The following FRMD4B variants were observed in gnomAD, a reference collection of about 807,000 sequenced individuals.
The protein encoded by FRMD4B is FERM domain-containing protein 4B.
FRMD4B carries 74 observed loss-of-function variants against 141.5 expected under a neutral mutation model. The observed-to-expected ratio is 0.52, with a 90% CI of 0.43 to 0.63. FRMD4B has a LOEUF of 0.63. FRMD4B is among the 30% of genes least tolerant of loss of function. The probability of loss-of-function intolerance (pLI) is 0.00; values close to 1 mark genes in which losing one functional copy is unlikely to be tolerated. For synonymous variants in FRMD4B, 506 were observed against 467.9 expected (o/e 1.08, Z -1.05); for missense variants, 1,366 against 1,253.4 (o/e 1.09, Z -1.36).
intron 2 of FRMD4B, among the ~76,000 whole-genome samples, chr3:69,415,336 G>A (rs1704839310): frequency 6.6e-6 from 1 of 152,170 alleles, no homozygotes; most frequent in African/African-American, 2.4e-5. Context: ...AGAGTCACAA[G>A]ATACTATGGA....
At chr3:69,292,879 C>T in intron 4 of FRMD4B, 2 of 171,604 alleles carry the variant, frequency 1.2e-5, no homozygotes, top group South Asian at 7.0e-5. Context: ...TGAGCGATTT[C>T]ACTAAGGTTT....
At chr3:69,449,049 AG>A (rs2106882554) in intron 1 of FRMD4B, among the ~76,000 whole-genome samples, 1 of 152,336 alleles carries the variant, frequency 6.6e-6, no homozygotes, top group East Asian at 1.9e-4. Context: ...TAAAACTGTA[AG>A]GTGAATCATT....
intron 1 of FRMD4B, among the ~76,000 whole-genome samples, chr3:69,476,614 G>A (rs1421922064): frequency 6.6e-6 from 1 of 152,184 alleles, no homozygotes; most frequent in East Asian, 1.9e-4. Context: ...TAGCCTTGTA[G>A]TATAGTTTGA....
chr3:69,181,614 G>C lies in FRMD4B; in HGVS notation c.2136C>G (p.Phe712Leu). Reference protein sequence around the residue: ...LSEMDSDKPFFSLSKSQRSSS... With the variant: ...LSEMDSDKPFLSLSKSQRSSS... ...TGCTTCTTTGGGATTTGGAGAGGGA[G>C]AAAAATGGCTTATCGCTGTCCATCT... Residue 712 changes from phenylalanine to leucine, a missense_variant, in exon 21 of 23, where the codon TTC becomes TTG. Coordinates refer to ENST00000398540, the MANE Select transcript of FRMD4B (RefSeq NM_015123.3). 6.2e-7 allele frequency: 1 copy of C among 1,613,418 alleles called. No homozygotes were observed. The highest frequency in any genetic ancestry group is 1.1e-5 in the South Asian group (1 of 91,058).
chr3:69,420,968 G>A (rs569530115), intron 2 of FRMD4B, among the ~76,000 whole-genome samples: 1 of 152,330 alleles, frequency 6.6e-6, no homozygotes, highest in Non-Finnish European at 1.5e-5. Context: ...CAGGGACGGA[G>A]AGGGCCAGGG....
intron 8 of FRMD4B, among the ~76,000 whole-genome samples, chr3:69,222,748 G>C (rs1175913791): frequency 1.3e-5 from 2 of 150,826 alleles, no homozygotes; most frequent in Non-Finnish European, 2.9e-5. Flanking sequence ...TCCAGCCTGG[G>C]CAACAAGAGC....
intron 11 of FRMD4B, among the ~76,000 whole-genome samples, chr3:69,210,949 G>T (rs1393842071): frequency 1.3e-5 from 2 of 149,886 alleles, no homozygotes; most frequent in African/African-American, 4.9e-5. Context: ...GGAAGCAGGG[G>T]TTGCAGTGAG....
At chr3:69,247,621 G>A (rs1697118135) in intron 7 of FRMD4B, among the ~76,000 whole-genome samples, 1 of 152,070 alleles carries the variant, frequency 6.6e-6, no homozygotes, top group African/African-American at 2.4e-5. Context: ...TGAGTAGCTG[G>A]GATTACAGGT....
chr3:69,481,056 C>A (rs569812308), intron 1 of FRMD4B, among the ~76,000 whole-genome samples: 1 of 152,154 alleles, frequency 6.6e-6, no homozygotes, highest in African/African-American at 2.4e-5. Flanking sequence ...TTTTTAAGCC[C>A]GTCGGAAAAG....
chr3:69,256,995 A>G (rs775815455), intron 5 of FRMD4B, among the ~76,000 whole-genome samples: 1 of 152,142 alleles, frequency 6.6e-6, no homozygotes, highest in Non-Finnish European at 1.5e-5. Context: ...TGCCCTGGGC[A>G]TTATAAGGTG....
chr3:69,223,125 G>A (rs1047170964), intron 8 of FRMD4B, among the ~76,000 whole-genome samples: 1 of 152,202 alleles, frequency 6.6e-6, no homozygotes, highest in African/African-American at 2.4e-5. Flanking sequence ...AGTAAAACTT[G>A]TTGACTGGAA....
intron 2 of FRMD4B, among the ~76,000 whole-genome samples, chr3:69,402,503 G>T (rs1355821279): frequency 2.0e-5 from 3 of 152,148 alleles, no homozygotes; most frequent in Non-Finnish European, 4.4e-5. Context: ...TACTTTAGGA[G>T]ATCTTTAATG....
chr3:69,291,910 C>CTTTTTTTTTTTTTTTTT (rs35703345), intron 4 of FRMD4B, among the ~76,000 whole-genome samples: 1 of 105,540 alleles, frequency 9.5e-6, no homozygotes, highest in Non-Finnish European at 1.9e-5. Flanking sequence ...ACAGGAATCT[C>CTTTTTTTTTTTTTTTTT]TTTTTTTTTT....
At chr3:69,236,276 T>C (rs943647151) in intron 7 of FRMD4B, among the ~76,000 whole-genome samples, 1 of 151,472 alleles carries the variant, frequency 6.6e-6, no homozygotes, top group Non-Finnish European at 1.5e-5. Flanking sequence ...TTGCCCAGGC[T>C]GGAGTGCAGT....
At chr3:69,478,668 A>C (rs1338423895) in intron 1 of FRMD4B, among the ~76,000 whole-genome samples, 3 of 152,088 alleles carry the variant, frequency 2.0e-5, no homozygotes, top group African/African-American at 4.8e-5. Context: ...GTGCTGAAAA[A>C]AGTGTATATT....
rs773681732 is a variant in FRMD4B at position 69,196,888 on chromosome 3, C to A, written c.1092+12G>T. ...GGAATCTGTCCCTATAGAAATGATG[C>A]CAGTTACTTACTTTGCTTTGCTTCC... On this transcript the variant is annotated intron_variant, in intron 13 of 22. Coordinates refer to ENST00000398540, the MANE Select transcript of FRMD4B (RefSeq NM_015123.3). 1.9e-6 allele frequency: 3 copies of A among 1,597,972 alleles called. No homozygotes were observed. Among genetic ancestry groups the A allele is most frequent in the Non-Finnish European group, 1.7e-6 (2 of 1,166,542 alleles).
At chr3:69,443,187 G>A (rs1241447533) in intron 1 of FRMD4B, among the ~76,000 whole-genome samples, 3 of 152,260 alleles carry the variant, frequency 2.0e-5, no homozygotes, top group Admixed American at 6.5e-5. Flanking sequence ...TGGAGGTTGA[G>A]TTCAGTCACC....
At chr3:69,359,093 G>A (rs971695998) in intron 1 of FRMD4B, among the ~76,000 whole-genome samples, 1 of 152,212 alleles carries the variant, frequency 6.6e-6, no homozygotes, top group African/African-American at 2.4e-5. Context: ...GCTGGGCATG[G>A]TGCTAAGTGG....
At chr3:69,267,654 G>T (rs1247902816) in intron 5 of FRMD4B, among the ~76,000 whole-genome samples, 23 of 56,788 alleles carry the variant, frequency 4.1e-4, no homozygotes, top group Middle Eastern at 9.3e-3. Flanking sequence ...GAGAGAGAGA[G>T]AGAGAGAGAG....
Sources: allele counts gnomAD v4.1 joint callset (sites outside exome capture counted in the v4.1 genomes callset), GRCh38; gene constraint gnomAD v4.1.1; transcripts MANE v1.5; gene names NCBI Gene and HGNC (gene_info 2026-07-23, HGNC 2026-07-21).